Variants in BBOX1 observed in about 807,000 individuals in gnomAD.
BBOX1 encodes the protein gamma-butyrobetaine dioxygenase.
In BBOX1, 35 loss-of-function variants were observed where a neutral mutation model predicts 41.6. The ratio of observed to expected loss-of-function variants is 0.84; its 90% confidence interval spans 0.64 to 1.11. BBOX1 has a LOEUF of 1.11. BBOX1 is among the 50% of genes most tolerant of loss of function. The pLI is 0.00. For synonymous variants in BBOX1, 163 were observed against 154.7 expected, an observed-to-expected ratio of 1.05 and a Z score of -0.40; for missense variants, 458 against 460.6, an observed-to-expected ratio of 0.99 and a Z score of 0.05.
intron 5 of BBOX1, among the ~76,000 whole-genome samples, chr11:27,098,186 TACTA>T (rs1858512448): frequency 6.6e-6 from 1 of 151,992 alleles, no homozygotes; most frequent in Admixed American, 6.6e-5. Flanking sequence ...TCACTTGACT[TACTA>T]ACATTTTTCC....
chr11:27,074,554 A>C (rs1365376665), intron 4 of BBOX1, among the ~76,000 whole-genome samples: 1 of 152,148 alleles, frequency 6.6e-6, no homozygotes, highest in Non-Finnish European at 1.5e-5. Context: ...ACTCTTCAGC[A>C]AGAAGAAAGG....
At chr11:27,065,533 C>T (rs537310079) in intron 4 of BBOX1, among the ~76,000 whole-genome samples, 1 of 152,274 alleles carries the variant, frequency 6.6e-6, no homozygotes, top group Non-Finnish European at 1.5e-5. Flanking sequence ...GGGAAGCACA[C>T]TGCAGTGCCC....
intron 4 of BBOX1, among the ~76,000 whole-genome samples, chr11:27,091,344 G>A (rs1425432191): frequency 2.0e-5 from 3 of 151,932 alleles, no homozygotes; most frequent in Non-Finnish European, 2.9e-5. Context: ...ACCATGCCTT[G>A]TGACATGATA....
intron 3 of BBOX1, among the ~76,000 whole-genome samples, chr11:27,056,084 ATGT>A (rs1179601691): frequency 2.0e-5 from 3 of 152,100 alleles, no homozygotes; most frequent in African/African-American, 7.2e-5. Context: ...CTAGATAGAA[ATGT>A]TGTTTACTCT....
At chr11:27,121,321 T>C (rs1859456516) in intron 7 of BBOX1, among the ~76,000 whole-genome samples, 1 of 152,168 alleles carries the variant, frequency 6.6e-6, no homozygotes, top group African/African-American at 2.4e-5. Context: ...CTGTAGAGTC[T>C]TGTTAGCAAA....
intron 4 of BBOX1, among the ~76,000 whole-genome samples, chr11:27,070,003 T>C (rs994506513): frequency 2.1e-4 from 32 of 152,178 alleles, no homozygotes; most frequent in African/African-American, 7.5e-4. Flanking sequence ...TAAATTTCCA[T>C]CTTGATTTCA....
intron 5 of BBOX1, among the ~76,000 whole-genome samples, chr11:27,101,213 GATA>G (rs1167212166): frequency 6.6e-6 from 1 of 152,032 alleles, no homozygotes; most frequent in African/African-American, 2.4e-5. Flanking sequence ...GATGCAAGGA[GATA>G]ATTAGACAGC....
At position 27,125,062 on chromosome 11, in the gene BBOX1, C is replaced by T. The variant is rs897585767; in HGVS notation, c.837-592C>T. Among the ~76,000 whole-genome samples the T allele has an allele frequency of 5.6e-4, 85 of 152,242 alleles. 1 individual carries two copies. The highest frequency in any genetic ancestry group is 2.0e-3 in the African/African-American group (82 of 41,568). ...TAGGAATACAACATTAAATGAGATA[C>T]AGCACCATCTTCTGGAAGACTCAAT... On this transcript the variant is annotated intron_variant, in intron 7 of 8. Transcript: ENST00000263182.
chr11:27,091,101 T>G lies in BBOX1; in HGVS notation c.335-2067T>G, dbSNP rs541819669. Among the ~76,000 whole-genome samples, 15 of 152,092 alleles carry G rather than the reference T, an allele frequency of 9.9e-5. No homozygotes were observed. The South Asian group carries it at 2.3e-3, about 23-fold the overall frequency. Reference sequence around the variant, plus strand: ...AAGTAAAGGCAGGCATAAGAAATTATAAAAGTATTATTTGGGAACTGATAA... The same window carrying G: ...AAGTAAAGGCAGGCATAAGAAATTAGAAAAGTATTATTTGGGAACTGATAA... On this transcript the variant is annotated intron_variant, in intron 4 of 8. Coordinates refer to ENST00000263182, the MANE Select transcript of BBOX1 (RefSeq NM_003986.3).
At position 27,119,744 on chromosome 11, in the gene BBOX1, T is replaced by A. The variant is rs1191049849; in HGVS notation, c.735T>A (p.Asn245Lys). ...TGTGCCAAAAACTAAAGAAAAATAATCCTCAGGCATTCCAGATTTTGTCCT... is the reference window on the plus strand; with the variant it reads ...TGTGCCAAAAACTAAAGAAAAATAAACCTCAGGCATTCCAGATTTTGTCCT... ...FNVCQKLKKN[N>K]PQAFQILSST... Residue 245 changes from asparagine to lysine, a missense_variant, in exon 7 of 9, where the codon AAT (asparagine) becomes AAA (lysine). By Grantham distance (94) the Asn-to-Lys change is moderately conservative. Coordinates refer to ENST00000263182, the MANE Select transcript of BBOX1 (RefSeq NM_003986.3). The A allele has an allele frequency of 2.5e-6, 4 of 1,604,510 alleles. No homozygotes were observed. Among genetic ancestry groups the A allele is most frequent in the Admixed American group, 3.5e-5 (2 of 57,166 alleles).
chr11:27,094,892 C>A (rs1431126391), intron 5 of BBOX1, among the ~76,000 whole-genome samples: 1 of 151,926 alleles, frequency 6.6e-6, no homozygotes, highest in Non-Finnish European at 1.5e-5. Flanking sequence ...ACAGCAACAA[C>A]AACAGACAAA....
At chr11:27,097,429 A>G (rs1858478043) in intron 5 of BBOX1, among the ~76,000 whole-genome samples, 1 of 152,066 alleles carries the variant, frequency 6.6e-6, no homozygotes, top group African/African-American at 2.4e-5. Flanking sequence ...AATCCCAAAG[A>G]AAGTACAATT....
chr11:27,088,074 T>C (rs1858105587), intron 4 of BBOX1, among the ~76,000 whole-genome samples: 1 of 150,362 alleles, frequency 6.7e-6, no homozygotes. Context: ...ACAAAGTATA[T>C]TATAGGTGAG....
At chr11:27,050,416 C>A (rs1476135699) in intron 2 of BBOX1, among the ~76,000 whole-genome samples, 3 of 152,060 alleles carry the variant, frequency 2.0e-5, no homozygotes, top group Non-Finnish European at 2.9e-5. Context: ...ATAGTAATTG[C>A]ACTGAATCTG....
chr11:27,053,651 C>T (rs1305661105), intron 2 of BBOX1, among the ~76,000 whole-genome samples: 2 of 152,054 alleles, frequency 1.3e-5, no homozygotes, highest in South Asian at 2.1e-4. Context: ...TGTGAGAAAA[C>T]TTGCCAGCCA....
At chr11:27,119,193 T>G (rs1204412014) in intron 6 of BBOX1, among the ~76,000 whole-genome samples, 1 of 152,072 alleles carries the variant, frequency 6.6e-6, no homozygotes, top group African/African-American at 2.4e-5. Context: ...ACATCATTAT[T>G]TCTGTCACCT....
At chr11:27,096,856 A>C (rs1387715554) in intron 5 of BBOX1, among the ~76,000 whole-genome samples, 1 of 152,056 alleles carries the variant, frequency 6.6e-6, no homozygotes, top group Admixed American at 6.6e-5. Context: ...ATCTTTCACC[A>C]TTATAAACTA....
intron 4 of BBOX1, among the ~76,000 whole-genome samples, chr11:27,075,711 G>A (rs780132947): frequency 1.3e-5 from 2 of 152,180 alleles, no homozygotes; most frequent in Non-Finnish European, 2.9e-5. Context: ...AAGTAGAGAC[G>A]AATTGTGACT....
Position 27,119,802 on chromosome 11 carries a change from G to C in BBOX1, c.793G>C (p.Asp265His). 2 of 1,577,934 alleles carry C rather than the reference G, an allele frequency of 1.3e-6. No homozygotes were observed. Among genetic ancestry groups the C allele is most frequent in the Middle Eastern group, 1.7e-4 (1 of 5,928 alleles). The change falls in exon 7 of 9, where the codon GAT (aspartate) becomes CAT (histidine). Residue 265 changes from aspartate to histidine, a missense_variant. Asp to His is a moderately conservative substitution (Grantham distance 81, BLOSUM62 -1). Transcript: ENST00000263182. ...TGTGGACTTTACAGACATTGGAGTG[G>C]ATTACTGTGATTTTTCTGTACAATC... The part of the protein sequence containing the change: ...TFVDFTDIGV[D>H]YCDFSVQSKH...
Sources: allele counts gnomAD v4.1 joint callset (sites outside exome capture counted in the v4.1 genomes callset), GRCh38; gene constraint gnomAD v4.1.1; transcripts MANE v1.5; gene names NCBI Gene and HGNC (gene_info 2026-07-23, HGNC 2026-07-21).